The following WASHC5 variants were observed in gnomAD, a reference collection of about 807,000 sequenced individuals.
The protein encoded by WASHC5 is WASH complex subunit strumpellin.
In WASHC5, 101 loss-of-function variants were observed where a neutral mutation model predicts 150.4. That is an observed-to-expected ratio of 0.67 (90% CI 0.57 to 0.79). The LOEUF is 0.79. Ranked by LOEUF, WASHC5 falls within the 30% of genes least tolerant of loss-of-function variation. The probability of loss-of-function intolerance (pLI) is 0.00; values close to 1 mark genes in which losing one functional copy is unlikely to be tolerated. For synonymous variants in WASHC5, 467 were observed against 491.2 expected, an observed-to-expected ratio of 0.95 and a Z score of 0.65; for missense variants, 1,195 against 1,396.3, an observed-to-expected ratio of 0.86 and a Z score of 2.30.
At position 125,083,873 on chromosome 8, in the gene WASHC5, T is replaced by A. The variant is rs781756466; in HGVS notation, c.26A>T (p.Asn9Ile). ...CCTTAGGATTGCTTGGCCACAGAGG[T>A]TGTTCTCGGCTAGAAAGTCCAACAT... MLDFLAENNLCGQAILRIV... is the reference protein window; with the variant it reads MLDFLAENILCGQAILRIV... Residue 9 changes from asparagine to isoleucine, a missense_variant, in exon 2 of 29, where the codon AAC becomes ATC. Asn to Ile is a moderately radical substitution (Grantham distance 149). Around this residue, in one of 3 missense-constraint regions of WASHC5, gnomAD observed 195 missense variants for 206.9 expected, o/e 0.94. Transcript: ENST00000318410. The A allele has an allele frequency of 1.2e-6, 2 of 1,613,898 alleles. No homozygotes were observed. Among genetic ancestry groups the A allele is most frequent in the Non-Finnish European group, 1.7e-6 (2 of 1,179,940 alleles).
At chr8:125,028,731 C>T in intron 27 of WASHC5, 24 bp from the exon 28 acceptor site, 3 of 1,509,880 alleles carry the variant, frequency 2.0e-6, no homozygotes, top group Non-Finnish European at 2.8e-6. Context: ...CAGTTTAGAT[C>T]AATTAACTGC....
At chr8:125,050,967 C>T (rs1018637178) in intron 17 of WASHC5, among the ~76,000 whole-genome samples, 2 of 152,062 alleles carry the variant, frequency 1.3e-5, no homozygotes, top group Non-Finnish European at 2.9e-5. Flanking sequence ...AATTAATGGC[C>T]CCTCTTTTTG....
At chr8:125,088,484 C>A (rs1308769628) in intron 1 of WASHC5, among the ~76,000 whole-genome samples, 1 of 151,568 alleles carries the variant, frequency 6.6e-6, no homozygotes, top group Non-Finnish European at 1.5e-5. Context: ...ATACAGTGCA[C>A]TTCTGAGATT....
intron 5 of WASHC5, among the ~76,000 whole-genome samples, chr8:125,079,143 T>TATACA (rs1586385367): frequency 1.1e-4 from 12 of 105,576 alleles, no homozygotes; most frequent in South Asian, 3.4e-4. Flanking sequence ...TATATATACA[T>TATACA]TTTTTTTTGA....
rs745362878 is a variant in WASHC5, at chr8:125,083,263, GA to G, written c.187-6del. 8 of 1,574,026 alleles carry G rather than the reference GA, an allele frequency of 5.1e-6. No individual in the cohort carries two copies. The highest frequency in any genetic ancestry group is 2.3e-5 in the South Asian group (2 of 87,486). Reference sequence around the variant, plus strand: ...GCTTTCCCATAATTCTGGACCCTGAGAAAAAAAAACACATGTGAAATGTCAA... The same window carrying G: ...GCTTTCCCATAATTCTGGACCCTGAGAAAAAAAACACATGTGAAATGTCAA... On this transcript the variant is annotated splice_polypyrimidine_tract_variant and splice_region_variant and intron_variant, in intron 2 of 28. Transcript: ENST00000318410.
At chr8:125,036,430 A>T (rs1815708373) in intron 26 of WASHC5, among the ~76,000 whole-genome samples, 1 of 152,220 alleles carries the variant, frequency 6.6e-6, no homozygotes, top group Admixed American at 6.5e-5. Context: ...TCAGCCCTTT[A>T]GTTGCCGAGG....
In WASHC5 at chr8:125,083,372, C is replaced by G. The variant is rs926033282; in HGVS notation, c.187-114G>C. On this transcript the variant is annotated intron_variant, in intron 2 of 28. Coordinates refer to ENST00000318410, the MANE Select transcript of WASHC5 (RefSeq NM_014846.4). Reference sequence around the variant, plus strand: ...GTTATTAGACATCCCAAACTTAAAGCAGAGCAACAGAAAGTAGTGAAGATA... The same window carrying G: ...GTTATTAGACATCCCAAACTTAAAGGAGAGCAACAGAAAGTAGTGAAGATA... The G allele has an allele frequency of 1.8e-5, 17 of 929,482 alleles. No individual in the cohort carries two copies. The African/African-American group carries it at 2.5e-4, about 14-fold the overall frequency. 57.6% of individuals were successfully genotyped at this position (929,482 alleles called of 1,614,324 possible). A position where few individuals can be genotyped will look rare whatever the true frequency, so the allele number is the denominator to read the frequency against.
chr8:125,070,940 C>T (rs920323826), intron 9 of WASHC5, among the ~76,000 whole-genome samples: 12 of 152,178 alleles, frequency 7.9e-5, no homozygotes, highest in Non-Finnish European at 1.5e-4. Flanking sequence ...TGGAAGCAGA[C>T]GGTAGCTAGA....
intron 1 of WASHC5, among the ~76,000 whole-genome samples, chr8:125,089,101 T>C (rs555103402): frequency 2.0e-5 from 3 of 152,362 alleles, no homozygotes; most frequent in African/African-American, 7.2e-5. Context: ...TGATACTTGC[T>C]TGTTAAACCA....
rs142601152 is a variant in WASHC5 at position 125,047,587 on chromosome 8, G to A, written c.2380-256C>T. On this transcript the variant is annotated intron_variant, in intron 19 of 28. Coordinates refer to ENST00000318410, the MANE Select transcript of WASHC5 (RefSeq NM_014846.4). ...TGAGTAGCTGGGATTACAGGCACCC[G>A]CCACCATGCCCGGCTAATTTTTGTA... Among the ~76,000 whole-genome samples the A allele has an allele frequency of 6.4e-3, 965 of 151,942 alleles. 7 individuals are homozygous for A. Among genetic ancestry groups the A allele is most frequent in the African/African-American group, 0.021 (891 of 41,446 alleles).
chr8:125,039,796 T>C lies in WASHC5; in HGVS notation c.2953A>G (p.Lys985Glu), dbSNP rs753976948. The change falls in exon 24 of 29, where the codon AAG (lysine) becomes GAG (glutamate). Residue 985 changes from lysine to glutamate, a missense_variant and splice_region_variant. Coordinates refer to ENST00000318410, the MANE Select transcript of WASHC5 (RefSeq NM_014846.4). ...GCTGTTTCAAACCCTGGCACTTACTTATTGAGATTCTCCAGAGCAGCTGCC... is the reference window on the plus strand; with the variant it reads ...GCTGTTTCAAACCCTGGCACTTACTCATTGAGATTCTCCAGAGCAGCTGCC... ...HLAAALENLN[K>E]ALLADIEAHY... The C allele has an allele frequency of 2.5e-6, 4 of 1,605,722 alleles. No individual in the cohort carries two copies. In the South Asian group the frequency reaches 4.4e-5, roughly 18 times the overall value.
At chr8:125,067,568 T>C in intron 10 of WASHC5, 24 bp downstream of exon 10, 1 of 1,586,526 alleles carries the variant, frequency 6.3e-7, no homozygotes, top group African/African-American at 1.3e-5. Flanking sequence ...AAGACTGTGG[T>C]GATATTCATT....
Position 125,065,326 on chromosome 8 carries a change from A to AT in WASHC5, c.1279-1676dup, listed in dbSNP as rs901867856. 2.9e-4 allele frequency among the ~76,000 whole-genome samples: 44 copies of AT among 149,972 alleles called. No individual in the cohort carries two copies. In the East Asian group the frequency reaches 3.5e-3, roughly 12 times the overall value. ...TTTCTTTGAGCAATTTGTATTGGGT[A>AT]TTTTTTTTTTCTTTTTACCAGAGCT... On this transcript the variant is annotated intron_variant, in intron 10 of 28. Transcript: ENST00000318410.
chr8:125,080,654 C>T (rs1288268161), intron 5 of WASHC5, among the ~76,000 whole-genome samples: 1 of 152,174 alleles, frequency 6.6e-6, no homozygotes, highest in African/African-American at 2.4e-5. Flanking sequence ...TGACTATCTC[C>T]GACATTGACC....
In WASHC5 at chr8:125,073,157, G is replaced by A; in HGVS notation, c.1146C>T (p.Asp382=). 1.2e-6 allele frequency: 2 copies of A among 1,614,088 alleles called. No individual in the cohort carries two copies. The highest frequency in any genetic ancestry group is 1.7e-6 in the Non-Finnish European group (2 of 1,179,958). ...GCCACCCCTTTTGTGCATTACCTGAGTCTGCTGTATGAAGCATCAGCCATC... is the reference window on the plus strand; with the variant it reads ...GCCACCCCTTTTGTGCATTACCTGAATCTGCTGTATGAAGCATCAGCCATC... ...AIRWLMLHTA[D]SACDPNNKRL... is the part of the protein sequence containing the mutation. The change falls in exon 9 of 29, where the codon GAC becomes GAT. Residue 382 remains aspartate, a synonymous_variant. Coordinates refer to ENST00000318410, the MANE Select transcript of WASHC5 (RefSeq NM_014846.4).
chr8:125,072,659 C>G (rs1352274963), intron 9 of WASHC5, among the ~76,000 whole-genome samples: 1 of 152,164 alleles, frequency 6.6e-6, no homozygotes, highest in Non-Finnish European at 1.5e-5. Context: ...CAAGTATGAG[C>G]CACCACACAC....
chr8:125,061,923 G>C (rs1333237893), intron 11 of WASHC5, among the ~76,000 whole-genome samples: 1 of 152,172 alleles, frequency 6.6e-6, no homozygotes, highest in African/African-American at 2.4e-5. Context: ...GGGTGACACG[G>C]TGACTAAATG....
intron 19 of WASHC5, among the ~76,000 whole-genome samples, chr8:125,048,589 T>A (rs1225935560): frequency 6.6e-6 from 1 of 152,236 alleles, no homozygotes. Context: ...ACACTGCTGT[T>A]GGGCACATAA....
rs2384916 is a variant in WASHC5, at chr8:125,082,486, T to C, written c.333-19A>G. The stretch of plus-strand genomic sequence containing the variant: ...TAGATATCTAGAAATAAAACCACAG[T>C]GCAAGTTATTAATTTATAATAGAAA... On this transcript the variant is annotated intron_variant, in intron 3 of 28. Coordinates refer to ENST00000318410, the MANE Select transcript of WASHC5 (RefSeq NM_014846.4). The C allele has an allele frequency of 0.056, 69,270 of 1,243,278 alleles. 6,708 individuals carry two copies. The highest frequency in any genetic ancestry group is 0.38 in the African/African-American group (25,559 of 67,610). The allele number at this position is 1,243,278 out of a possible 1,614,324, so 77.0% of individuals were successfully genotyped here. A position where few individuals can be genotyped will look rare whatever the true frequency, so the allele number is the denominator to read the frequency against.
Sources: allele counts gnomAD v4.1 joint callset (sites outside exome capture counted in the v4.1 genomes callset), GRCh38; gene constraint gnomAD v4.1.1; regional missense constraint gnomAD v4.1.1; transcripts MANE v1.5; gene names NCBI Gene and HGNC (gene_info 2026-07-23, HGNC 2026-07-21).